Variants in REC114 observed in about 807,000 individuals in gnomAD.
REC114 encodes the protein meiotic recombination protein REC114.
A neutral mutation model predicts 31.3 loss-of-function variants in REC114; 27 were observed. That is an observed-to-expected ratio of 0.86 (90% CI 0.64 to 1.19). The LOEUF (loss-of-function observed/expected upper bound fraction) is 1.19. REC114 is among the 50% of genes most tolerant of loss of function. The pLI, the probability that REC114 is intolerant of heterozygous loss-of-function variation, is 0.00. For missense variants in REC114, 344 were observed against 326.9 expected, an observed-to-expected ratio of 1.05 and a Z score of -0.40; for synonymous variants, 134 against 127.7, an observed-to-expected ratio of 1.05 and a Z score of -0.33.
intron 3 of REC114, among the ~76,000 whole-genome samples, chr15:73,543,711 T>C (rs16957980): frequency 0.042 from 6,469 of 152,242 alleles, 311 homozygotes; most frequent in African/African-American, 0.11. Flanking sequence ...TTTAACCTCC[T>C]TACTAAACTT....
At chr15:73,454,142 TTAAA>T (rs769849798) in intron 1 of REC114, among the ~76,000 whole-genome samples, 5 of 151,566 alleles carry the variant, frequency 3.3e-5, no homozygotes, top group African/African-American at 4.9e-5. Flanking sequence ...CAAAAATAAA[TTAAA>T]TAAATAAATA....
At chr15:73,495,463 A>T (rs981059669) in intron 2 of REC114, among the ~76,000 whole-genome samples, 1 of 152,024 alleles carries the variant, frequency 6.6e-6, no homozygotes, top group Non-Finnish European at 1.5e-5. Flanking sequence ...AACCCAAAAC[A>T]AAACATAAAT....
chr15:73,542,655 C>G (rs1894255852), intron 3 of REC114, among the ~76,000 whole-genome samples: 1 of 152,192 alleles, frequency 6.6e-6, no homozygotes, highest in Admixed American at 6.5e-5. Flanking sequence ...GAGCGTTTGA[C>G]ATTTCCAGCC....
intron 1 of REC114, among the ~76,000 whole-genome samples, chr15:73,445,275 G>A (rs997556489): frequency 6.6e-6 from 1 of 152,134 alleles, no homozygotes; most frequent in African/African-American, 2.4e-5. Flanking sequence ...GTCCTAGATG[G>A]CCTCTTCTTC....
chr15:73,462,890 A>T (rs1893009253), intron 1 of REC114, among the ~76,000 whole-genome samples: 1 of 151,096 alleles, frequency 6.6e-6, no homozygotes, highest in Non-Finnish European at 1.5e-5. Flanking sequence ...GTCTCAAAAA[A>T]AAAAAAAAAA....
chr15:73,443,412 C>T, intron 1 of REC114, 68 bp downstream of exon 1: 1 of 1,469,822 alleles, frequency 6.8e-7, no homozygotes, highest in African/African-American at 1.4e-5. Context: ...TCCGCGAATA[C>T]ACTGGGCCAG....
chr15:73,530,314 TA>T (rs1489067313), intron 2 of REC114, among the ~76,000 whole-genome samples: 5 of 152,254 alleles, frequency 3.3e-5, no homozygotes, highest in Non-Finnish European at 7.3e-5. Context: ...TCCCTTTTGT[TA>T]GCTTAATACC....
intron 2 of REC114, among the ~76,000 whole-genome samples, chr15:73,479,836 A>G (rs191698941): frequency 1.9e-4 from 29 of 152,222 alleles, no homozygotes; most frequent in African/African-American, 6.0e-4. Flanking sequence ...CCACTTATCC[A>G]CTGATGGACC....
At position 73,489,514 on chromosome 15, in the gene REC114, C is replaced by T. The variant is rs1201348842; in HGVS notation, c.249+15593C>T. ...AGCCACCACGCCTGGCACCTGGAGC[C>T]CTTTCCTAAGGGCCCTACTCCCATT... On this transcript the variant is annotated intron_variant, in intron 2 of 5. Transcript: ENST00000331090. 4.6e-5 allele frequency among the ~76,000 whole-genome samples: 7 copies of T among 151,858 alleles called. No individual in the cohort carries two copies. The South Asian group carries it at 1.5e-3, about 32-fold the overall frequency.
chr15:73,489,830 T>C (rs1379962140), intron 2 of REC114, among the ~76,000 whole-genome samples: 1 of 152,090 alleles, frequency 6.6e-6, no homozygotes, highest in Admixed American at 6.6e-5. Context: ...TAGCAGTCCT[T>C]CCAAACTCTA....
intron 2 of REC114, among the ~76,000 whole-genome samples, chr15:73,535,790 A>G (rs558218828): frequency 1.2e-4 from 18 of 151,648 alleles, no homozygotes; most frequent in African/African-American, 3.6e-4. Context: ...ACAAGGCTAC[A>G]GTAACCAAAA....
chr15:73,499,916 A>T (rs993539782), intron 2 of REC114, among the ~76,000 whole-genome samples: 10 of 152,198 alleles, frequency 6.6e-5, no homozygotes, highest in Non-Finnish European at 1.2e-4. Context: ...TAAATTTTAG[A>T]AACTTTTAAT....
chr15:73,475,783 G>A (rs1188430193), intron 2 of REC114, among the ~76,000 whole-genome samples: 1 of 152,122 alleles, frequency 6.6e-6, no homozygotes. Context: ...ATAGTTAACT[G>A]AGTGTACAGT....
intron 3 of REC114, among the ~76,000 whole-genome samples, chr15:73,547,358 C>T (rs2141333653): frequency 6.6e-6 from 1 of 152,298 alleles, no homozygotes; most frequent in Middle Eastern, 3.4e-3. Context: ...CATCTCACTC[C>T]AGTTAAAATG....
At chr15:73,513,076 G>A (rs1229827825) in intron 2 of REC114, among the ~76,000 whole-genome samples, 1 of 148,482 alleles carries the variant, frequency 6.7e-6, no homozygotes, top group African/African-American at 2.5e-5. Context: ...TCACTTTCAG[G>A]TACACCAATC....
chr15:73,452,425 A>G (rs1235674939), intron 1 of REC114, among the ~76,000 whole-genome samples: 1 of 152,182 alleles, frequency 6.6e-6, no homozygotes, highest in African/African-American at 2.4e-5. Context: ...TCCAACTTAC[A>G]AGGGATGTGA....
intron 1 of REC114, among the ~76,000 whole-genome samples, chr15:73,468,576 G>T (rs1192389943): frequency 6.6e-6 from 1 of 151,766 alleles, no homozygotes; most frequent in African/African-American, 2.4e-5. Context: ...GATTACAGTG[G>T]TAAGAACTTG....
chr15:73,514,353 T>C (rs1348736698), intron 2 of REC114, among the ~76,000 whole-genome samples: 1 of 151,536 alleles, frequency 6.6e-6, no homozygotes, highest in Admixed American at 6.6e-5. Context: ...TGGCACTCCC[T>C]AGTGAGATGA....
At chr15:73,448,589 T>A (rs1306754589) in intron 1 of REC114, among the ~76,000 whole-genome samples, 5 of 152,198 alleles carry the variant, frequency 3.3e-5, no homozygotes, top group South Asian at 4.1e-4. Flanking sequence ...GACTTAAATG[T>A]CCCTGCCTGA....
Sources: gnomAD v4.1 joint callset for allele counts (sites outside exome capture counted in the v4.1 genomes callset) on GRCh38, gnomAD v4.1.1 for gene constraint, MANE v1.5 for transcripts, NCBI Gene and HGNC (gene_info 2026-07-23, HGNC 2026-07-21) for gene names.